LONRF1: variants seen among roughly 807,000 people sequenced by gnomAD.
LONRF1 encodes the protein LON peptidase N-terminal domain and ring finger 1, also known as LON peptidase N-terminal domain and RING finger protein 1.
A neutral mutation model predicts 85.8 loss-of-function variants in LONRF1; 37 were observed. The observed-to-expected ratio is 0.43, with a 90% confidence interval of 0.33 to 0.57. The LOEUF is 0.57. Ranked by LOEUF, LONRF1 falls within the 20% of genes least tolerant of loss-of-function variation. LONRF1 has a pLI of 0.04. For missense variants in LONRF1, 1,036 were observed against 978.0 expected (o/e 1.06, Z -0.79); for synonymous variants, 517 against 390.1 (o/e 1.33, Z -3.83).
At chr8:12,737,912 TA>T in intron 4 of LONRF1, 82 bp downstream of exon 4, 6 of 1,401,462 alleles carry the variant, frequency 4.3e-6, no homozygotes, top group Non-Finnish European at 5.8e-6. Context: ...TAGGTGCTAG[TA>T]CTTGAAACTA....
intron 7 of LONRF1, among the ~76,000 whole-genome samples, chr8:12,734,556 C>T (rs547807372): frequency 3.9e-5 from 6 of 152,254 alleles, no homozygotes; most frequent in African/African-American, 1.4e-4. Context: ...TAAGAGGGTG[C>T]TCTCTTCTCA....
At chr8:12,736,645 T>C (rs777238142) in intron 6 of LONRF1, 56 bp downstream of exon 6, 11 of 1,139,652 alleles carry the variant, frequency 9.7e-6, no homozygotes, top group Admixed American at 4.3e-5. Flanking sequence ...ATCTACACGG[T>C]ATTTTATGTA....
At chr8:12,736,528 A>G (rs1007820517) in intron 6 of LONRF1, among the ~76,000 whole-genome samples, 173 bp downstream of exon 6, 1 of 152,192 alleles carries the variant, frequency 6.6e-6, no homozygotes, top group Non-Finnish European at 1.5e-5. Flanking sequence ...AGGTTCAGAG[A>G]TTCAGTTATT....
intron 7 of LONRF1, among the ~76,000 whole-genome samples, chr8:12,733,931 T>A (rs960869325): frequency 1.6e-4 from 24 of 152,190 alleles, no homozygotes; most frequent in Non-Finnish European, 2.6e-4. Context: ...AGTATGTTAG[T>A]TATACTTTCA....
At chr8:12,726,779 G>T (rs1375849244) in intron 10 of LONRF1, among the ~76,000 whole-genome samples, 1 of 151,838 alleles carries the variant, frequency 6.6e-6, no homozygotes, top group Non-Finnish European at 1.5e-5. Flanking sequence ...AACAACAAAG[G>T]GACTCTGAAA....
At chr8:12,753,447 G>GT (rs1799490268) in intron 1 of LONRF1, 1 of 151,888 alleles carries the variant, frequency 6.6e-6, no homozygotes, top group South Asian at 2.1e-4. Flanking sequence ...TGAAATACGC[G>GT]TAACACAAGG....
intron 2 of LONRF1, among the ~76,000 whole-genome samples, chr8:12,742,525 A>C (rs1798976551): frequency 6.6e-6 from 1 of 152,234 alleles, no homozygotes; most frequent in African/African-American, 2.4e-5. Context: ...TCCAACTTTA[A>C]GAACCTATTC....
At chr8:12,727,333 TTAC>T (rs1440652849) in intron 10 of LONRF1, 2 of 150,012 alleles carry the variant, frequency 1.3e-5, no homozygotes, top group Non-Finnish European at 3.0e-5. Flanking sequence ...TCAAGGAACT[TTAC>T]TGTGATAATT....
rs560445426 is a variant in LONRF1, at chr8:12,722,718, G to A, written c.*378C>T. On this transcript the variant is annotated 3_prime_UTR_variant, in exon 12 of 12. Coordinates refer to ENST00000398246, the MANE Select transcript of LONRF1 (RefSeq NM_152271.5). ...CTCTCTATGGCTTTTTTGTTTGTTT[G>A]TTTTAAAATTTTAAAGCCAGAGAAA... 7 of 156,750 alleles carry A rather than the reference G, an allele frequency of 4.5e-5. No individual in the cohort carries two copies. In the South Asian group the frequency reaches 1.2e-3, roughly 26 times the overall value. 9.7% of individuals were successfully genotyped at this position (156,750 alleles called of 1,614,324 possible). A position where few individuals can be genotyped will look rare whatever the true frequency, so the allele number is the denominator to read the frequency against.
chr8:12,754,421 G>A, intron 1 of LONRF1: 1 of 292,730 alleles, frequency 3.4e-6, no homozygotes. Context: ...GGGAGCGCGC[G>A]CCCGACAGCC....
intron 8 of LONRF1, 29 bp downstream of exon 8, chr8:12,731,707 C>G: frequency 6.3e-7 from 1 of 1,594,846 alleles, no homozygotes; most frequent in Non-Finnish European, 8.6e-7. Context: ...GGTAGTAGTT[C>G]ATAATTTTTT....
intron 4 of LONRF1, among the ~76,000 whole-genome samples, chr8:12,737,650 C>T (rs552110159): frequency 1.3e-5 from 2 of 152,076 alleles, no homozygotes; most frequent in African/African-American, 2.4e-5. Context: ...TGTACTTACA[C>T]AGCCCTAGAA....
At chr8:12,754,528 G>T (rs1162635474) in intron 1 of LONRF1, among the ~76,000 whole-genome samples, 172 bp downstream of exon 1, 1 of 151,896 alleles carries the variant, frequency 6.6e-6, no homozygotes, top group African/African-American at 2.4e-5. Flanking sequence ...AAGCACCCCG[G>T]GGCGCCGCCC....
At chr8:12,734,043 T>A (rs984318404) in intron 7 of LONRF1, among the ~76,000 whole-genome samples, 2 of 152,130 alleles carry the variant, frequency 1.3e-5, no homozygotes, top group Admixed American at 6.5e-5. Flanking sequence ...AAAACCACAA[T>A]TACTTTTGCA....
At chr8:12,748,872 A>G (rs1799269190) in intron 1 of LONRF1, among the ~76,000 whole-genome samples, 1 of 149,536 alleles carries the variant, frequency 6.7e-6, no homozygotes, top group South Asian at 2.1e-4. Context: ...ACCAGGGTTG[A>G]GCTCAAAGCT....
chr8:12,735,363 A>G lies in LONRF1; in HGVS notation c.1489T>C (p.Ser497Pro). 6.2e-7 allele frequency: 1 copy of G among 1,607,212 alleles called. No individual in the cohort carries two copies. The highest frequency in any genetic ancestry group is 1.3e-5 in the African/African-American group (1 of 74,872). Reference sequence around the variant, plus strand: ...CGCTCAAGACAATTCTTACAGAACGAATGTCCGCAAGGGGTTGTTACTGGC... The same window carrying G: ...CGCTCAAGACAATTCTTACAGAACGGATGTCCGCAAGGGGTTGTTACTGGC... ...FEPVTTPCGH[S>P]FCKNCLERCL... Residue 497 changes from serine (S) to proline (P), a missense_variant, in exon 7 of 12, where the codon TCG (serine) becomes CCG (proline). Around this residue, in one of 3 missense-constraint regions of LONRF1, gnomAD observed 29 missense variants for 62.1 expected, o/e 0.47. Coordinates refer to ENST00000398246, the MANE Select transcript of LONRF1 (RefSeq NM_152271.5).
Position 12,729,314 on chromosome 8 carries a change from T to G in LONRF1, c.1707A>C (p.Pro569=). ...AELSHLTKNV[P]IFVCTMAYPT... ...GGTAGGCCATAGTGCAAACAAATAT[T>G]GGAACATTCTTGGTCAAGCTAAGGG... Residue 569 remains proline, a synonymous_variant, in exon 9 of 12, where the codon CCA becomes CCC. Transcript: ENST00000398246. The G allele has an allele frequency of 1.9e-6, 3 of 1,613,586 alleles. No individual in the cohort carries two copies. The highest frequency in any genetic ancestry group is 1.1e-5 in the South Asian group (1 of 90,960).
chr8:12,735,542 G>T (rs1798686158), intron 6 of LONRF1, 142 bp from the exon 7 acceptor site: 2 of 607,522 alleles, frequency 3.3e-6, no homozygotes, highest in African/African-American at 1.9e-5. Flanking sequence ...AGAAAGGGCA[G>T]TGATAAGTGT....
Position 12,738,144 on chromosome 8 carries a change from T to G in LONRF1, c.964A>C (p.Ile322Leu), listed in dbSNP as rs751197874. ...TCAGGTAATAATAAATCACATAAAATCTGTAAGAGAAATATTAAAAGTAGT... is the reference window on the plus strand; with the variant it reads ...TCAGGTAATAATAAATCACATAAAAGCTGTAAGAGAAATATTAAAAGTAGT... Reference protein sequence around the residue: ...FAPAKLQVQKILCDLLLPENL... With the variant: ...FAPAKLQVQKLLCDLLLPENL... The change falls in exon 4 of 12, where the codon ATT (isoleucine) becomes CTT (leucine). Residue 322 changes from isoleucine to leucine, a missense_variant and splice_region_variant. This residue lies in a region of LONRF1 where 742 missense variants were observed against 614.4 expected (regional missense o/e 1.21). Coordinates refer to ENST00000398246, the MANE Select transcript of LONRF1 (RefSeq NM_152271.5). The G allele has an allele frequency of 6.6e-7, 1 of 1,523,816 alleles. No homozygotes were observed. Among genetic ancestry groups the G allele is most frequent in the South Asian group, 1.3e-5 (1 of 79,884 alleles). 94.4% of individuals were successfully genotyped at this position (1,523,816 alleles called of 1,614,324 possible). A position where few individuals can be genotyped will look rare whatever the true frequency, so the allele number is the denominator to read the frequency against.
Sources: allele counts gnomAD v4.1 joint callset (sites outside exome capture counted in the v4.1 genomes callset), GRCh38; gene constraint gnomAD v4.1.1; regional missense constraint gnomAD v4.1.1; transcripts MANE v1.5; gene names NCBI Gene and HGNC (gene_info 2026-07-23, HGNC 2026-07-21).